ATF7: variants seen among roughly 807,000 people sequenced by gnomAD.
ATF7 encodes cyclic AMP-dependent transcription factor ATF-7.
In ATF7, 10 loss-of-function variants were observed where a neutral mutation model predicts 50.4. The observed-to-expected ratio is 0.20, with a 90% CI of 0.12 to 0.34. The LOEUF (loss-of-function observed/expected upper bound fraction) is 0.34. Ranked by LOEUF, ATF7 falls within the 10% of genes least tolerant of loss-of-function variation. The pLI is 1.00. For synonymous variants in ATF7, 201 were observed against 226.4 expected, an observed-to-expected ratio of 0.89 and a Z score of 1.01; for missense variants, 465 against 613.9, an observed-to-expected ratio of 0.76 and a Z score of 2.56.
At chr12:53,620,575 C>CAAA (rs34516346) in intron 1 of ATF7, among the ~76,000 whole-genome samples, 35 of 75,734 alleles carry the variant, frequency 4.6e-4, no homozygotes, top group African/African-American at 1.1e-3. Flanking sequence ...GACTCCGTCT[C>CAAA]AAAAAAAAAA....
chr12:53,531,718 T>A, intron 9 of ATF7, 26 bp downstream of exon 9: 1 of 1,593,586 alleles, frequency 6.3e-7, no homozygotes, highest in Non-Finnish European at 8.5e-7. Context: ...CATAAAGATA[T>A]GACATAAAGA....
intron 1 of ATF7, among the ~76,000 whole-genome samples, chr12:53,616,961 A>G (rs1944155828): frequency 6.6e-6 from 1 of 151,912 alleles, no homozygotes; most frequent in African/African-American, 2.4e-5. Context: ...AAAAAAAAAA[A>G]AGGTGAGAAA....
At chr12:53,615,631 T>C (rs1944089404) in intron 1 of ATF7, among the ~76,000 whole-genome samples, 1 of 152,144 alleles carries the variant, frequency 6.6e-6, no homozygotes, top group Admixed American at 6.5e-5. Context: ...CCCAACATTT[T>C]GGGAAGCTGA....
intron 2 of ATF7, among the ~76,000 whole-genome samples, chr12:53,565,057 C>T (rs1340529233): frequency 6.6e-6 from 1 of 152,116 alleles, no homozygotes; most frequent in Non-Finnish European, 1.5e-5. Context: ...AAGTTTTAAG[C>T]CCTCAGCCAT....
At chr12:53,550,194 C>T (rs968364535) in intron 3 of ATF7, among the ~76,000 whole-genome samples, 4 of 151,644 alleles carry the variant, frequency 2.6e-5, no homozygotes, top group East Asian at 2.0e-4. Flanking sequence ...GGTAGTGGTG[C>T]GCGCCTACAA....
chr12:53,621,539 T>C (rs1454867383), intron 1 of ATF7, among the ~76,000 whole-genome samples: 2 of 151,992 alleles, frequency 1.3e-5, no homozygotes, highest in African/African-American at 4.8e-5. Context: ...CCTAGCACTT[T>C]GGGAGTTCAA....
In ATF7 at chr12:53,524,707, C is replaced by T; in HGVS notation, c.982G>A (p.Asp328Asn). Residue 328 changes from aspartate (D) to asparagine (N), a missense_variant, in exon 10 of 12, where the codon GAT becomes AAT. Physicochemically the swap from Asp to Asn is conservative, Grantham distance 23. Coordinates refer to ENST00000420353, the MANE Select transcript of ATF7 (RefSeq NM_006856.3). This position sits in a 1 kb window ranked among gnomAD's most constrained non-coding sequence, Gnocchi z 4.6. ...STGGRRRRTV[D>N]EDPDERRQRF... ...TGCCGTCGCTCATCTGGATCTTCAT[C>T]TACTGTGCGCCGCCGTCGCCCCCCA... The T allele has an allele frequency of 6.2e-7, 1 of 1,613,116 alleles. No individual in the cohort carries two copies. Among genetic ancestry groups the T allele is most frequent in the Non-Finnish European group, 8.5e-7 (1 of 1,179,768 alleles).
chr12:53,537,555 G>A lies in ATF7; in HGVS notation c.265-3C>T. The A allele has an allele frequency of 1.9e-6, 3 of 1,612,960 alleles. No individual in the cohort carries two copies. The highest frequency in any genetic ancestry group is 2.2e-5 in the East Asian group (1 of 44,878). On this transcript the variant is annotated splice_polypyrimidine_tract_variant and splice_region_variant and intron_variant, in intron 4 of 11. Transcript: ENST00000420353. ...ATGTCAAGGGGCCCAGCAGCAGCCTGTTGTGAAAGAAAAATGAACAGAGTT... is the reference window on the plus strand; with the variant it reads ...ATGTCAAGGGGCCCAGCAGCAGCCTATTGTGAAAGAAAAATGAACAGAGTT...
intron 2 of ATF7, among the ~76,000 whole-genome samples, chr12:53,600,132 C>T (rs1315623873): frequency 2.6e-5 from 4 of 152,010 alleles, no homozygotes; most frequent in East Asian, 3.9e-4. Flanking sequence ...CTATTGGATT[C>T]GTCTTTCCTA....
chr12:53,612,178 A>G (rs898855194), intron 1 of ATF7, among the ~76,000 whole-genome samples: 5 of 151,236 alleles, frequency 3.3e-5, no homozygotes, highest in Admixed American at 6.6e-5. Flanking sequence ...GTTTCACCAT[A>G]GTGGCTAGGC....
chr12:53,540,930 C>T (rs1008177859), intron 4 of ATF7, among the ~76,000 whole-genome samples: 3 of 151,988 alleles, frequency 2.0e-5, no homozygotes, highest in East Asian at 3.9e-4. Flanking sequence ...TAGGTCTCAC[C>T]ATGCTGCTCA....
rs746841064 is a variant in ATF7, at chr12:53,543,338, C to T, written c.256G>A (p.Glu86Lys). The T allele has an allele frequency of 5.0e-6, 8 of 1,586,160 alleles. No homozygotes were observed. Among genetic ancestry groups the T allele is most frequent in the South Asian group, 1.1e-5 (1 of 87,050 alleles). ...ACAGTCCTGCTTCTTGCCTTTTTCT[C>T]ATCCTCATCTGCAGCTTTCTTGAAT... ...HEFKKAADED[E>K]KKAAAGPLDM... The change falls in exon 4 of 12, where the codon GAG (glutamate) becomes AAG (lysine). Residue 86 changes from glutamate (E) to lysine (K), a missense_variant. Physicochemically the swap from Glu to Lys is moderately conservative, Grantham distance 56. Transcript: ENST00000420353.
intron 2 of ATF7, among the ~76,000 whole-genome samples, chr12:53,589,794 TC>T (rs1942867436): frequency 6.6e-6 from 1 of 152,192 alleles, no homozygotes; most frequent in African/African-American, 2.4e-5. Flanking sequence ...TATTTCTCCT[TC>T]CCCCATATTT....
intron 8 of ATF7, 97 bp downstream of exon 8, chr12:53,532,413 A>C (rs1280666442): frequency 5.0e-6 from 5 of 997,454 alleles, no homozygotes; most frequent in Non-Finnish European, 7.5e-6. Flanking sequence ...TGCAAGCCCC[A>C]GAAGGTTCCT....
intron 3 of ATF7, among the ~76,000 whole-genome samples, chr12:53,544,618 G>A (rs1282520449): frequency 1.3e-5 from 2 of 152,016 alleles, no homozygotes; most frequent in African/African-American, 4.8e-5. Flanking sequence ...CATAGTGGCA[G>A]GTGCCTGTAG....
chr12:53,559,141 T>C (rs2137547819), intron 2 of ATF7, among the ~76,000 whole-genome samples: 1 of 150,768 alleles, frequency 6.6e-6, no homozygotes, highest in East Asian at 2.0e-4. Flanking sequence ...AAAAAAGGAA[T>C]GGCCTGAAGA....
At chr12:53,604,581 A>G (rs1943529661) in intron 1 of ATF7, among the ~76,000 whole-genome samples, 1 of 152,198 alleles carries the variant, frequency 6.6e-6, no homozygotes, top group Non-Finnish European at 1.5e-5. Context: ...AAGAATGCAG[A>G]TATGGTGTGA....
intron 3 of ATF7, among the ~76,000 whole-genome samples, chr12:53,545,485 C>T (rs12424882): frequency 0.1 from 15,932 of 151,976 alleles, 996 homozygotes; most frequent in Admixed American, 0.18. Context: ...TGCAGGCGCG[C>T]GCCACTATGC....
chr12:53,609,228 C>T (rs1258381367), intron 1 of ATF7, among the ~76,000 whole-genome samples: 3 of 150,854 alleles, frequency 2.0e-5, no homozygotes, highest in Non-Finnish European at 2.9e-5. Flanking sequence ...GTTCTCAGCT[C>T]ACCACAACCT....
Sources: gnomAD v4.1 joint callset for allele counts (sites outside exome capture counted in the v4.1 genomes callset) on GRCh38, gnomAD v4.1.1 for gene constraint, Gnocchi (gnomAD v3.1) non-coding constraint, MANE v1.5 for transcripts, NCBI Gene and HGNC (gene_info 2026-07-23, HGNC 2026-07-21) for gene names.